Variants in FAM227A observed in about 807,000 individuals in gnomAD.
FAM227A encodes the protein protein FAM227A.
In FAM227A, 80 loss-of-function variants were observed where a neutral mutation model predicts 74.7. That is an observed-to-expected ratio of 1.07 (90% confidence interval 0.89 to 1.29). The LOEUF (loss-of-function observed/expected upper bound fraction) is 1.29. Among genes scored for constraint, FAM227A ranks in the 50% most tolerant of loss-of-function variants. The probability of loss-of-function intolerance (pLI) is 0.00; values close to 1 mark genes in which losing one functional copy is unlikely to be tolerated. For missense variants in FAM227A, 654 were observed against 683.4 expected, an observed-to-expected ratio of 0.96 and a Z score of 0.48; for synonymous variants, 237 against 241.8, an observed-to-expected ratio of 0.98 and a Z score of 0.19.
At chr22:38,646,508 C>T (rs1050415301) in intron 2 of FAM227A, among the ~76,000 whole-genome samples, 6 of 151,592 alleles carry the variant, frequency 4.0e-5, no homozygotes, top group South Asian at 2.1e-4. Flanking sequence ...GTGATCCGCC[C>T]GCCTCGGCCT....
At position 38,628,275 on chromosome 22, in the gene FAM227A, C is replaced by T. The variant is rs751731557; in HGVS notation, c.689G>A (p.Arg230His). The change falls in exon 8 of 17, where the codon CGT becomes CAT. Residue 230 changes from arginine (R) to histidine (H), a missense_variant. By Grantham distance (29) the Arg-to-His change is conservative. Coordinates refer to ENST00000535113, the MANE Select transcript of FAM227A (RefSeq NM_001013647.2). ...IAQHYALLLF[R>H]VPKSHSEEAL... The stretch of plus-strand genomic sequence containing the variant: ...CTCTTCAGAGTGGGACTTGGGTACA[C>T]GAAACAAAAGTAAGGCATAGTGCTG... The T allele has an allele frequency of 4.6e-5, 71 of 1,551,168 alleles. No individual in the cohort carries two copies. The highest frequency in any genetic ancestry group is 5.5e-5 in the African/African-American group (4 of 72,948).
chr22:38,597,925 C>A (rs1164832534), intron 14 of FAM227A, among the ~76,000 whole-genome samples: 1 of 151,546 alleles, frequency 6.6e-6, no homozygotes, highest in Non-Finnish European at 1.5e-5. Context: ...TGCCTGTAAT[C>A]CCAGCTACTT....
At chr22:38,597,971 A>T (rs5750635) in intron 14 of FAM227A, among the ~76,000 whole-genome samples, 2 of 148,830 alleles carry the variant, frequency 1.3e-5, no homozygotes, top group African/African-American at 2.5e-5. Context: ...TGAACCCAGG[A>T]GGCGGAAGTT....
At position 38,591,606 on chromosome 22, in the gene FAM227A, T is replaced by C. The variant is rs546798899; in HGVS notation, c.1533-66A>G. 1.9e-5 allele frequency: 22 copies of C among 1,150,774 alleles called. No homozygotes were observed. In the South Asian group the frequency reaches 3.5e-4, roughly 18 times the overall value. The allele number at this position is 1,150,774 out of a possible 1,614,324, so 71.3% of individuals were successfully genotyped here. On this transcript the variant is annotated intron_variant, in intron 15 of 16. Coordinates refer to ENST00000535113, the MANE Select transcript of FAM227A (RefSeq NM_001013647.2). ...TGATTAACATGTCCTCAATGTTCTG[T>C]ATGTCCTATAAACTGATAGATCCAC...
At chr22:38,621,058 C>A (rs955049206) in intron 10 of FAM227A, among the ~76,000 whole-genome samples, 3 of 151,056 alleles carry the variant, frequency 2.0e-5, no homozygotes, top group Non-Finnish European at 4.4e-5. Flanking sequence ...CTGAGTCGGC[C>A]GGGCATGGTG....
chr22:38,582,267 T>A lies in FAM227A; in HGVS notation c.*3858A>T. 5.7e-6 allele frequency: 8 copies of A among 1,408,098 alleles called. No homozygotes were observed. The highest frequency in any genetic ancestry group is 7.8e-6 in the Non-Finnish European group (8 of 1,027,374). 87.2% of individuals were successfully genotyped at this position (1,408,098 alleles called of 1,614,324 possible). On this transcript the variant is annotated 3_prime_UTR_variant, in exon 17 of 17. Coordinates refer to ENST00000535113, the MANE Select transcript of FAM227A (RefSeq NM_001013647.2). ...CCCTCCTGTTCTTCAGGAAACTGTA[T>A]GTTCTAAAACATACATTTCATCATC... is the stretch of plus-strand genomic sequence containing the variant.
At chr22:38,642,359 A>C (rs922365761) in intron 3 of FAM227A, among the ~76,000 whole-genome samples, 1 of 152,200 alleles carries the variant, frequency 6.6e-6, no homozygotes, top group Non-Finnish European at 1.5e-5. Context: ...TAAAAACTCC[A>C]GCCATCACAA....
intron 15 of FAM227A, among the ~76,000 whole-genome samples, chr22:38,594,895 G>A (rs559499492): frequency 6.6e-6 from 1 of 152,138 alleles, no homozygotes; most frequent in South Asian, 2.1e-4. Context: ...TCAGGGGATC[G>A]AGACCATCCT....
chr22:38,624,350 T>C (rs903226316), intron 9 of FAM227A, among the ~76,000 whole-genome samples: 4 of 151,918 alleles, frequency 2.6e-5, no homozygotes, highest in South Asian at 2.1e-4. Context: ...GATCCTGCCA[T>C]TGCCCTCCAG....
intron 14 of FAM227A, among the ~76,000 whole-genome samples, chr22:38,598,766 G>GA (rs1230563027): frequency 6.6e-6 from 1 of 151,936 alleles, no homozygotes; most frequent in Non-Finnish European, 1.5e-5. Context: ...TTTTACAGGT[G>GA]AAAAAAATGA....
At chr22:38,650,930 C>T (rs1351482407) in intron 1 of FAM227A, among the ~76,000 whole-genome samples, 1 of 152,154 alleles carries the variant, frequency 6.6e-6, no homozygotes, top group Non-Finnish European at 1.5e-5. Context: ...TAGATCCTGC[C>T]CTCTAGAAGC....
chr22:38,623,207 T>C lies in FAM227A; in HGVS notation c.923A>G (p.Glu308Gly), dbSNP rs1182591507. The change falls in exon 10 of 17, where the codon GAA (glutamate) becomes GGA (glycine). Residue 308 changes from glutamate to glycine, a missense_variant. Glu to Gly is a moderately conservative substitution (Grantham distance 98). Coordinates refer to ENST00000535113, the MANE Select transcript of FAM227A (RefSeq NM_001013647.2). ...TCTTCTTCTGTACAACATTAATTCT[T>C]CTCTGCGGAATCGCTCTGGGTCTAG... ...SELDPERFRR[E>G]ELMLYRRRLT... is the part of the protein sequence containing the mutation. 1.3e-6 allele frequency: 2 copies of C among 1,551,642 alleles called. No individual in the cohort carries two copies. Among genetic ancestry groups the C allele is most frequent in the South Asian group, 2.4e-5 (2 of 84,062 alleles).
chr22:38,640,724 A>G (rs1054661776), intron 3 of FAM227A, among the ~76,000 whole-genome samples: 37 of 152,224 alleles, frequency 2.4e-4, no homozygotes, highest in Non-Finnish European at 5.9e-5. Flanking sequence ...AGTGAGGTCA[A>G]CGTGGGCCAG....
chr22:38,580,201 T>C lies in FAM227A; in HGVS notation c.*5924A>G, dbSNP rs1008387948. The C allele has an allele frequency of 4.6e-5, 7 of 152,274 alleles. No homozygotes were observed. The highest frequency in any genetic ancestry group is 1.0e-4 in the Non-Finnish European group (7 of 68,074). The allele number at this position is 152,274 out of a possible 1,614,324, so 9.4% of individuals were successfully genotyped here. ...TCCTAAAGTGCTGGGATTACAGGCA[T>C]GGGCCACCATGCTCGGCAACCGATG... On this transcript the variant is annotated 3_prime_UTR_variant, in exon 17 of 17. Coordinates refer to ENST00000535113, the MANE Select transcript of FAM227A (RefSeq NM_001013647.2).
intron 6 of FAM227A, among the ~76,000 whole-genome samples, chr22:38,636,079 G>A (rs1162374686): frequency 2.7e-5 from 4 of 149,122 alleles, no homozygotes; most frequent in African/African-American, 1.0e-4. Flanking sequence ...AAAAAAGAAA[G>A]GAAGGAAGGA....
At position 38,582,679 on chromosome 22, in the gene FAM227A, C is replaced by A; in HGVS notation, c.*3446G>T. On this transcript the variant is annotated 3_prime_UTR_variant, in exon 17 of 17. Transcript: ENST00000535113. The stretch of plus-strand genomic sequence containing the variant: ...ATCTTGGACTGTGCAACAAATGGTC[C>A]TGACAGACAGAAATGCAGTTTGTCC... The A allele has an allele frequency of 1.2e-6, 1 of 863,528 alleles. No individual in the cohort carries two copies. Among genetic ancestry groups the A allele is most frequent in the Non-Finnish European group, 1.8e-6 (1 of 568,416 alleles). The allele number at this position is 863,528 out of a possible 1,614,324, so 53.5% of individuals were successfully genotyped here.
chr22:38,620,495 C>A (rs184758914), intron 10 of FAM227A, among the ~76,000 whole-genome samples: 1 of 152,082 alleles, frequency 6.6e-6, no homozygotes, highest in Admixed American at 6.6e-5. Flanking sequence ...GGTGAATGCA[C>A]CAATTAAAGG....
At chr22:38,605,711 G>T (rs2146249533) in intron 12 of FAM227A, among the ~76,000 whole-genome samples, 1 of 152,180 alleles carries the variant, frequency 6.6e-6, no homozygotes, top group Middle Eastern at 3.4e-3. Flanking sequence ...TTGATACATG[G>T]GTCTTTGTGA....
At chr22:38,600,950 CA>C (rs1175644017) in intron 13 of FAM227A, among the ~76,000 whole-genome samples, 4,426 of 76,830 alleles carry the variant, frequency 0.058, 184 homozygotes, top group African/African-American at 0.16. Flanking sequence ...GACTCCGTCT[CA>C]AAAAAAAAAA....
Sources: gnomAD v4.1 joint callset for allele counts (sites outside exome capture counted in the v4.1 genomes callset) on GRCh38, gnomAD v4.1.1 for gene constraint, MANE v1.5 for transcripts, NCBI Gene and HGNC (gene_info 2026-07-23, HGNC 2026-07-21) for gene names.